The following PELO variants were observed in gnomAD, a reference collection of about 807,000 sequenced individuals.
The protein encoded by PELO is protein pelota homolog.
PELO carries 19 observed loss-of-function variants against 25.9 expected under a neutral mutation model. That is an observed-to-expected ratio of 0.73 (90% CI 0.51 to 1.08). The LOEUF is 1.08. PELO is among the 50% of genes least tolerant of loss of function. The pLI is 0.00. For missense variants in PELO, 498 were observed against 491.4 expected, an observed-to-expected ratio of 1.01 and a Z score of -0.13; for synonymous variants, 196 against 192.2, an observed-to-expected ratio of 1.02 and a Z score of -0.16.
rs769825826 is a variant in PELO at position 52,801,765 on chromosome 5, G to A, written c.1083G>A (p.Gly361=). 3.1e-6 allele frequency: 5 copies of A among 1,613,902 alleles called. No individual in the cohort carries two copies. Among genetic ancestry groups the A allele is most frequent in the East Asian group, 4.5e-5 (2 of 44,898 alleles). ...VSGEQLSQLT[G]VAAILRFPVP... Reference sequence around the variant, plus strand: ...GGGAACAGCTCAGCCAGTTGACTGGGGTAGCTGCCATTCTCCGCTTCCCTG... The same window carrying A: ...GGGAACAGCTCAGCCAGTTGACTGGAGTAGCTGCCATTCTCCGCTTCCCTG... Residue 361 remains glycine (G), a synonymous_variant, in exon 3 of 3, where the codon GGG becomes GGA. Transcript: ENST00000274311.
rs573401898 is a variant in PELO, at chr5:52,803,787, A to G, written c.*1947A>G. On this transcript the variant is annotated 3_prime_UTR_variant, in exon 3 of 3. Transcript: ENST00000274311. The stretch of plus-strand genomic sequence containing the variant: ...GAATTCAGGGATCTTTTGTAGACCT[A>G]CTGAGACAGGCGCTACCTGTACCAA... 6.6e-6 allele frequency: 1 copy of G among 152,314 alleles called. No homozygotes were observed. Among genetic ancestry groups the G allele is most frequent in the South Asian group, 2.1e-4 (1 of 4,832 alleles). The allele number at this position is 152,314 out of a possible 1,614,324, so 9.4% of individuals were successfully genotyped here.
chr5:52,797,181 G>GA (rs200946928), intron 1 of PELO, among the ~76,000 whole-genome samples: 18 of 147,232 alleles, frequency 1.2e-4, no homozygotes, highest in South Asian at 2.1e-4. Context: ...AATTACTAAG[G>GA]AAAAAAAAAA....
At chr5:52,788,738 T>C (rs963930520) in intron 1 of PELO, among the ~76,000 whole-genome samples, 25 of 152,180 alleles carry the variant, frequency 1.6e-4, no homozygotes, top group Non-Finnish European at 1.5e-5. Flanking sequence ...TTGCTGAATA[T>C]TTCCTCCCCT....
intron 1 of PELO, among the ~76,000 whole-genome samples, chr5:52,791,094 A>G (rs1334315667): frequency 2.0e-5 from 3 of 152,176 alleles, no homozygotes; most frequent in Non-Finnish European, 4.4e-5. Context: ...TTAGCTCCTT[A>G]CAACGTTTAC....
At chr5:52,794,039 C>T (rs1438441595) in intron 1 of PELO, among the ~76,000 whole-genome samples, 1 of 151,866 alleles carries the variant, frequency 6.6e-6, no homozygotes, top group Non-Finnish European at 1.5e-5. Context: ...AATTAAAATG[C>T]ATATGCTGGT....
chr5:52,800,747 A>G lies in PELO; in HGVS notation c.353A>G (p.Asp118Gly). 6.2e-7 allele frequency: 1 copy of G among 1,614,200 alleles called. No individual in the cohort carries two copies. The highest frequency in any genetic ancestry group is 8.5e-7 in the Non-Finnish European group (1 of 1,180,038). Residue 118 changes from aspartate to glycine, a missense_variant, in exon 2 of 3, where the codon GAT becomes GGT. By Grantham distance (94) the Asp-to-Gly change is moderately conservative (BLOSUM62 -1). Transcript: ENST00000274311. ...TTCACCCTGGCCAAGAAGCAGTGGG[A>G]TAGTGTGGTACTGGAGCGCATCGAG... Reference protein sequence around the residue: ...RQFTLAKKQWDSVVLERIEQA... With the variant: ...RQFTLAKKQWGSVVLERIEQA...
chr5:52,798,825 A>G (rs1383534171), intron 1 of PELO, among the ~76,000 whole-genome samples: 4 of 152,196 alleles, frequency 2.6e-5, no homozygotes, highest in Admixed American at 6.5e-5. Context: ...TATGGTAAAG[A>G]TCTTGGCGCT....
chr5:52,788,561 G>A (rs1049703420), intron 1 of PELO, 147 bp downstream of exon 1: 24 of 599,438 alleles, frequency 4.0e-5, no homozygotes, highest in Non-Finnish European at 6.1e-5. Flanking sequence ...CCAGGCTACG[G>A]GGCAGGCAGG....
intron 1 of PELO, among the ~76,000 whole-genome samples, chr5:52,791,341 A>G (rs1044490965): frequency 6.6e-5 from 10 of 152,168 alleles, no homozygotes; most frequent in African/African-American, 2.4e-4. Flanking sequence ...GACCATTCCT[A>G]GGCCTGAGGA....
rs1418053349 is a variant in PELO, at chr5:52,795,626, T to A, written c.-510-4259T>A. On this transcript the variant is annotated intron_variant, in intron 1 of 2. Transcript: ENST00000274311. ...ATGTACCCCAAAGATTATCCATCAG[T>A]CAACTCTACCAAACCAGTTATTTTT... Among the ~76,000 whole-genome samples the A allele has an allele frequency of 2.0e-5, 3 of 152,058 alleles. No homozygotes were observed. In the East Asian group the frequency reaches 5.8e-4, roughly 29 times the overall value.
rs1421399986 is a variant in PELO at position 52,802,964 on chromosome 5, A to G, written c.*1124A>G. 1 of 152,210 alleles carries G rather than the reference A, an allele frequency of 6.6e-6. No homozygotes were observed. The highest frequency in any genetic ancestry group is 1.5e-5 in the Non-Finnish European group (1 of 68,042). The allele number at this position is 152,210 out of a possible 1,614,324, so 9.4% of individuals were successfully genotyped here. A position where few individuals can be genotyped will look rare whatever the true frequency, so the allele number is the denominator to read the frequency against. On this transcript the variant is annotated 3_prime_UTR_variant, in exon 3 of 3. Coordinates refer to ENST00000274311, the MANE Select transcript of PELO (RefSeq NM_015946.5). The stretch of plus-strand genomic sequence containing the variant: ...TTTATTATTTTTGGTGCACATTCCT[A>G]AAAGTTAAGGAAGGAGCCTCAGTAA...
chr5:52,788,211 C>T lies in PELO; in HGVS notation c.-714C>T, dbSNP rs929538523. The T allele has an allele frequency of 2.4e-5, 13 of 538,050 alleles. No homozygotes were observed. The highest frequency in any genetic ancestry group is 4.1e-5 in the Non-Finnish European group (13 of 319,668). 33.3% of individuals were successfully genotyped at this position (538,050 alleles called of 1,614,324 possible). A position where few individuals can be genotyped will look rare whatever the true frequency, so the allele number is the denominator to read the frequency against. On this transcript the variant is annotated 5_prime_UTR_variant, in exon 1 of 3. Transcript: ENST00000274311. Reference sequence around the variant, plus strand: ...AAAACACAGGAAATCACTCCTCTCCCGCTCCTGGGCGCCGCTGCCACTGGG... The same window carrying T: ...AAAACACAGGAAATCACTCCTCTCCTGCTCCTGGGCGCCGCTGCCACTGGG...
chr5:52,796,638 T>C (rs1309765971), intron 1 of PELO, among the ~76,000 whole-genome samples: 1 of 152,082 alleles, frequency 6.6e-6, no homozygotes, highest in East Asian at 1.9e-4. Flanking sequence ...ATGTCTGTAA[T>C]AATGTTAAAA....
chr5:52,796,384 A>G (rs1385687150), intron 1 of PELO, among the ~76,000 whole-genome samples: 2 of 151,950 alleles, frequency 1.3e-5, no homozygotes, highest in Admixed American at 1.3e-4. Flanking sequence ...AAAGTTACTG[A>G]TATAAAGATT....
chr5:52,788,458 T>C, intron 1 of PELO, 44 bp downstream of exon 1: 1 of 1,430,802 alleles, frequency 7.0e-7, no homozygotes, highest in South Asian at 1.4e-5. Flanking sequence ...CTCGCGGGCT[T>C]GGGGCTTGGA....
At chr5:52,794,500 TACACACACACACACACACAC>T (rs56996823) in intron 1 of PELO, among the ~76,000 whole-genome samples, 2 of 141,834 alleles carry the variant, frequency 1.4e-5, no homozygotes, top group South Asian at 2.3e-4. Flanking sequence ...CAAATAGAAA[TACACACACACACACACACAC>T]ACACACACAC....
rs1748529253 is a variant in PELO, at chr5:52,803,472, T to TAG, written c.*1633_*1634insGA. On this transcript the variant is annotated 3_prime_UTR_variant, in exon 3 of 3. Coordinates refer to ENST00000274311, the MANE Select transcript of PELO (RefSeq NM_015946.5). ...AGATTTTTGGACATTTTTACTCTCA[T>TAG]AATCTATGCAGTACTGAAATGAGGT... is the stretch of plus-strand genomic sequence containing the variant. 1 of 152,216 alleles carries TAG rather than the reference T, an allele frequency of 6.6e-6. No individual in the cohort carries two copies. Among genetic ancestry groups the TAG allele is most frequent in the Non-Finnish European group, 1.5e-5 (1 of 68,040 alleles). 9.4% of individuals were successfully genotyped at this position (152,216 alleles called of 1,614,324 possible). A position where few individuals can be genotyped will look rare whatever the true frequency, so the allele number is the denominator to read the frequency against.
rs11886 is a variant in PELO at position 52,801,930 on chromosome 5, T to G, written c.*90T>G. The G allele has an allele frequency of 0.29, 288,902 of 983,092 alleles. 43,256 individuals are homozygous for G. Among genetic ancestry groups the G allele is most frequent in the Non-Finnish European group, 0.32 (217,545 of 680,966 alleles). 60.9% of individuals were successfully genotyped at this position (983,092 alleles called of 1,614,324 possible). A position where few individuals can be genotyped will look rare whatever the true frequency, so the allele number is the denominator to read the frequency against. ...TCCTTGTGACAGAAAGCTGCAAGAA[T>G]GGCACTTTTTGATTCATACAGGGAT... On this transcript the variant is annotated 3_prime_UTR_variant, in exon 3 of 3. Transcript: ENST00000274311.
At chr5:52,794,771 A>G (rs1268597559) in intron 1 of PELO, among the ~76,000 whole-genome samples, 1 of 151,946 alleles carries the variant, frequency 6.6e-6, no homozygotes, top group Non-Finnish European at 1.5e-5. Flanking sequence ...GTCACATGGG[A>G]ACCTTTGCAC....
Sources: allele counts gnomAD v4.1 joint callset (sites outside exome capture counted in the v4.1 genomes callset), GRCh38; gene constraint gnomAD v4.1.1; transcripts MANE v1.5; gene names NCBI Gene and HGNC (gene_info 2026-07-23, HGNC 2026-07-21).